Variants in TXNDC11 observed in about 807,000 individuals in gnomAD.
TXNDC11 encodes thioredoxin domain containing 11.
TXNDC11 carries 68 observed loss-of-function variants against 78.0 expected under a neutral mutation model. The observed-to-expected ratio is 0.87, with a 90% CI of 0.72 to 1.07. TXNDC11 has a LOEUF of 1.07. TXNDC11 is among the 50% of genes least tolerant of loss of function. The pLI is 0.00. For synonymous variants in TXNDC11, 571 were observed against 495.2 expected (o/e 1.15, Z -2.03); for missense variants, 1,389 against 1,221.8 (o/e 1.14, Z -2.04).
Position 11,691,280 on chromosome 16 carries a change from C to A in TXNDC11, c.1900+10G>T. 6.3e-7 allele frequency: 1 copy of A among 1,595,074 alleles called. No homozygotes were observed. Among genetic ancestry groups the A allele is most frequent in the Non-Finnish European group, 8.5e-7 (1 of 1,171,108 alleles). ...GTACAATGCTTGGGGAAATAAACTG[C>A]CTGCAGTACCTAGGGTGAGCTTCAT... On this transcript the variant is annotated intron_variant, in intron 8 of 11. Transcript: ENST00000283033.
Position 11,742,570 on chromosome 16 carries a change from C to A in TXNDC11, c.161G>T (p.Gly54Val), listed in dbSNP as rs1440588362. The A allele has an allele frequency of 6.9e-7, 1 of 1,457,118 alleles. No individual in the cohort carries two copies. The highest frequency in any genetic ancestry group is 9.0e-7 in the Non-Finnish European group (1 of 1,111,044). The allele number at this position is 1,457,118 out of a possible 1,614,324, so 90.3% of individuals were successfully genotyped here. A position where few individuals can be genotyped will look rare whatever the true frequency, so the allele number is the denominator to read the frequency against. Reference protein sequence around the residue: ...SAGRLRRGLRGAFLMARQRPE... With the variant: ...SAGRLRRGLRVAFLMARQRPE... ...CCGCTGGCGCGCCATGAGGAAGGCG[C>A]CACGCAGCCCGCGACGGAGCCGGCC... The change falls in exon 1 of 12, where the codon GGC (glycine) becomes GTC (valine). Residue 54 changes from glycine (G) to valine (V), a missense_variant. Physicochemically the swap from Gly to Val is moderately radical, Grantham distance 109. Transcript: ENST00000283033.
chr16:11,679,723 A>G lies in TXNDC11; in HGVS notation c.2349T>C (p.Ser783=), dbSNP rs771926833. The G allele has an allele frequency of 6.2e-7, 1 of 1,614,148 alleles. No homozygotes were observed. The highest frequency in any genetic ancestry group is 8.5e-7 in the Non-Finnish European group (1 of 1,180,024). The change falls in exon 12 of 12, where the codon TCT becomes TCC. Residue 783 remains serine, a synonymous_variant. Transcript: ENST00000283033. This position sits in a 1 kb window ranked among gnomAD's most constrained non-coding sequence, Gnocchi z 4.6. ...PASSPQNVAN[S]PTKECLQSEA... is the part of the protein sequence containing the mutation. ...CGCTCTGAAGACACTCCTTGGTAGG[A>G]GAGTTAGCCACATTCTGGGGGCTGG...
intron 5 of TXNDC11, 159 bp downstream of exon 5, chr16:11,721,418 G>T: frequency 2.4e-6 from 1 of 413,048 alleles, no homozygotes; most frequent in South Asian, 2.1e-5. Flanking sequence ...CAGCCTGGGC[G>T]GCAGGGCGAG....
chr16:11,681,987 A>T (rs1028390289), intron 11 of TXNDC11, among the ~76,000 whole-genome samples: 2 of 152,264 alleles, frequency 1.3e-5, no homozygotes, highest in Non-Finnish European at 2.9e-5. Flanking sequence ...GAAGTCATCA[A>T]TGTTAACACC....
At chr16:11,692,263 AG>A (rs1365425531) in intron 7 of TXNDC11, 181 bp from the exon 8 acceptor site, 1 of 555,404 alleles carries the variant, frequency 1.8e-6, no homozygotes, top group East Asian at 3.0e-5. Context: ...CGCTCTGAGT[AG>A]TGTGATGAAA....
In TXNDC11 at chr16:11,679,491, C is replaced by A; in HGVS notation, c.2581G>T (p.Ala861Ser). Residue 861 changes from alanine (A) to serine (S), a missense_variant, in exon 12 of 12, where the codon GCC becomes TCC. By Grantham distance (99) the Ala-to-Ser change is moderately conservative. Coordinates refer to ENST00000283033, the MANE Select transcript of TXNDC11 (RefSeq NM_015914.7). The surrounding 1 kb of genome is among the most constrained non-coding windows in gnomAD (Gnocchi z 4.6). ...TCACGTGTCTTCTGCTCATAGAGGG[C>A]CTGCAGCTGCTCACTGTGTGCGTGG... ...LLHAHSEQLQ[A>S]LYEQKTRELQ... The A allele has an allele frequency of 6.2e-7, 1 of 1,613,544 alleles. No homozygotes were observed. The highest frequency in any genetic ancestry group is 8.5e-7 in the Non-Finnish European group (1 of 1,180,022).
Position 11,710,469 on chromosome 16 carries a change from T to G in TXNDC11, c.794-9905A>C, listed in dbSNP as rs148968025. Among the ~76,000 whole-genome samples the G allele has an allele frequency of 2.2e-3, 341 of 152,292 alleles. 1 individual carries two copies. Among genetic ancestry groups the G allele is most frequent in the African/African-American group, 7.9e-3 (329 of 41,564 alleles). Reference sequence around the variant, plus strand: ...CCCTTACAGATAACTAGGGCAAAGCTCCCTTATTTAACAGATGGGGAACCT... The same window carrying G: ...CCCTTACAGATAACTAGGGCAAAGCGCCCTTATTTAACAGATGGGGAACCT... On this transcript the variant is annotated intron_variant, in intron 5 of 11. Transcript: ENST00000283033.
chr16:11,681,413 A>C (rs1346955671), intron 11 of TXNDC11, among the ~76,000 whole-genome samples: 1 of 152,204 alleles, frequency 6.6e-6, no homozygotes, highest in East Asian at 1.9e-4. Context: ...GCTAACTAAG[A>C]GGTCTTGGTG....
At chr16:11,741,273 G>T (rs1316815798) in intron 1 of TXNDC11, among the ~76,000 whole-genome samples, 1 of 152,172 alleles carries the variant, frequency 6.6e-6, no homozygotes, top group East Asian at 1.9e-4. Flanking sequence ...AGATATCATA[G>T]TAGCAATACA....
chr16:11,687,701 G>C (rs906116332), intron 10 of TXNDC11, among the ~76,000 whole-genome samples, 156 bp downstream of exon 10: 1 of 152,228 alleles, frequency 6.6e-6, no homozygotes, highest in Non-Finnish European at 1.5e-5. Context: ...TTTCAAAGAG[G>C]CTTTGCTCAT....
chr16:11,741,684 G>A (rs1453948503), intron 1 of TXNDC11, among the ~76,000 whole-genome samples: 2 of 152,184 alleles, frequency 1.3e-5, no homozygotes, highest in East Asian at 1.9e-4. Context: ...ATCCACTCAA[G>A]GGAGCAAAAA....
intron 5 of TXNDC11, among the ~76,000 whole-genome samples, chr16:11,719,151 T>G (rs2051629753): frequency 6.6e-6 from 1 of 152,190 alleles, no homozygotes; most frequent in Admixed American, 6.5e-5. Context: ...CAAAACATGC[T>G]TCTACGACCT....
chr16:11,698,095 A>T, intron 7 of TXNDC11, 30 bp downstream of exon 7: 1 of 1,609,216 alleles, frequency 6.2e-7, no homozygotes, highest in South Asian at 1.1e-5. Flanking sequence ...CCTACTCCTC[A>T]TGAGGTGCTT....
intron 8 of TXNDC11, chr16:11,691,049 C>A: frequency 1.9e-6 from 1 of 525,762 alleles, no homozygotes; most frequent in Non-Finnish European, 3.4e-6. Flanking sequence ...GGGACTCTTA[C>A]CCCCACCATG....
intron 5 of TXNDC11, among the ~76,000 whole-genome samples, chr16:11,710,197 AAT>A (rs1491207709): frequency 2.6e-5 from 2 of 77,968 alleles, no homozygotes; most frequent in Non-Finnish European, 6.8e-5. Context: ...CACTTCAATT[AAT>A]TTTTTTTTTT....
Position 11,679,661 on chromosome 16 carries a change from T to C in TXNDC11, c.2411A>G (p.Glu804Gly). Reference protein sequence around the residue: ...VLQRGHISHLEREIQKLRAEI... With the variant: ...VLQRGHISHLGREIQKLRAEI... ...TGCTCTCAGTTTCTGGATCTCTCTCTCCAAGTGGGAGATGTGCCCCCGCTG... is the reference window on the plus strand; with the variant it reads ...TGCTCTCAGTTTCTGGATCTCTCTCCCCAAGTGGGAGATGTGCCCCCGCTG... Residue 804 changes from glutamate to glycine, a missense_variant, in exon 12 of 12, where the codon GAG becomes GGG. Physicochemically the swap from Glu to Gly is moderately conservative, Grantham distance 98 (BLOSUM62 -2). Transcript: ENST00000283033. The surrounding 1 kb of genome is among the most constrained non-coding windows in gnomAD (Gnocchi z 4.6). 6.2e-7 allele frequency: 1 copy of C among 1,614,162 alleles called. No individual in the cohort carries two copies. Among genetic ancestry groups the C allele is most frequent in the Non-Finnish European group, 8.5e-7 (1 of 1,180,028 alleles).
intron 5 of TXNDC11, among the ~76,000 whole-genome samples, chr16:11,715,238 A>G (rs981120632): frequency 2.0e-5 from 3 of 152,210 alleles, no homozygotes; most frequent in South Asian, 2.1e-4. Flanking sequence ...AAACAAAACA[A>G]AACAAAAAAA....
chr16:11,722,538 T>C (rs2051740854), intron 4 of TXNDC11, among the ~76,000 whole-genome samples: 2 of 152,036 alleles, frequency 1.3e-5, no homozygotes, highest in Non-Finnish European at 2.9e-5. Flanking sequence ...GGACTTGGAG[T>C]CAGAAGACCT....
chr16:11,687,851 G>C lies in TXNDC11; in HGVS notation c.2153+6C>G, dbSNP rs1340787439. On this transcript the variant is annotated splice_donor_region_variant and intron_variant, in intron 10 of 11. Transcript: ENST00000283033. Reference sequence around the variant, plus strand: ...GCCCAAAGCGCTGCAGAAGAGGCCTGCTTACCTTGCCACAGTGAATGTGTC... The same window carrying C: ...GCCCAAAGCGCTGCAGAAGAGGCCTCCTTACCTTGCCACAGTGAATGTGTC... 2 of 1,602,228 alleles carry C rather than the reference G, an allele frequency of 1.2e-6. No homozygotes were observed. The highest frequency in any genetic ancestry group is 1.7e-5 in the Admixed American group (1 of 59,890).
Sources: allele counts gnomAD v4.1 joint callset (sites outside exome capture counted in the v4.1 genomes callset), GRCh38; gene constraint gnomAD v4.1.1; non-coding constraint Gnocchi (gnomAD v3.1); transcripts MANE v1.5; gene names NCBI Gene and HGNC (gene_info 2026-07-23, HGNC 2026-07-21).